Variants in TRAM2 observed in about 807,000 individuals in gnomAD.
The protein encoded by TRAM2 is translocation associated membrane protein 2.
TRAM2 carries 12 observed loss-of-function variants against 51.0 expected under a neutral mutation model. That is an observed-to-expected ratio of 0.24 (90% CI 0.15 to 0.38). The LOEUF is 0.38. TRAM2 is among the 10% of genes least tolerant of loss of function. The probability of loss-of-function intolerance (pLI) is 1.00; values close to 1 mark genes in which losing one functional copy is unlikely to be tolerated. For synonymous variants in TRAM2, 175 were observed against 179.4 expected (o/e 0.98, Z 0.20); for missense variants, 361 against 462.0 (o/e 0.78, Z 2.00).
intron 9 of TRAM2, 47 bp from the exon 10 acceptor site, chr6:52,504,801 GC>G (rs1382296781): frequency 6.5e-7 from 1 of 1,542,128 alleles, no homozygotes; most frequent in Non-Finnish European, 8.7e-7. Flanking sequence ...TGGGCTCACA[GC>G]CTTGGGCTGG....
chr6:52,550,696 A>C (rs9349633), intron 1 of TRAM2, among the ~76,000 whole-genome samples: 139,749 of 152,114 alleles, frequency 0.92, 64,343 homozygotes, highest in African/African-American at 0.98. Flanking sequence ...GGATTACAGG[A>C]ATGCACCACC....
chr6:52,508,003 C>G (rs1008880122), intron 6 of TRAM2, among the ~76,000 whole-genome samples: 1 of 152,230 alleles, frequency 6.6e-6, no homozygotes, highest in Non-Finnish European at 1.5e-5. Context: ...GTTAGGTTTC[C>G]TCCAAAGCCA....
chr6:52,542,530 T>C (rs1767122615), intron 1 of TRAM2, among the ~76,000 whole-genome samples: 1 of 152,186 alleles, frequency 6.6e-6, no homozygotes, highest in Non-Finnish European at 1.5e-5. Context: ...GTTATGACAG[T>C]ACCTTTCTGT....
intron 2 of TRAM2, among the ~76,000 whole-genome samples, chr6:52,526,682 C>A (rs116226141): frequency 6.6e-6 from 1 of 152,182 alleles, no homozygotes; most frequent in Admixed American, 6.5e-5. Flanking sequence ...AGCCACTGCA[C>A]CCGGCCTGCA....
intron 1 of TRAM2, among the ~76,000 whole-genome samples, chr6:52,548,001 G>A (rs1767241457): frequency 6.6e-6 from 1 of 152,236 alleles, no homozygotes; most frequent in African/African-American, 2.4e-5. Context: ...GTGTGTTTGT[G>A]TGCTTATGTT....
chr6:52,555,281 C>T (rs1581698775), intron 1 of TRAM2, among the ~76,000 whole-genome samples: 1 of 149,524 alleles, frequency 6.7e-6, no homozygotes, highest in Non-Finnish European at 1.5e-5. Flanking sequence ...CTGGCTTCTA[C>T]CCCCAACCCA....
At chr6:52,570,792 A>ACCCC (rs1487796614) in intron 1 of TRAM2, among the ~76,000 whole-genome samples, 3 of 32,846 alleles carry the variant, frequency 9.1e-5, no homozygotes, top group Admixed American at 2.7e-4. Context: ...CTCCCTGCCC[A>ACCCC]CCACCCCCCC....
intron 1 of TRAM2, among the ~76,000 whole-genome samples, chr6:52,555,284 C>G (rs1028815559): frequency 1.3e-5 from 2 of 151,928 alleles, no homozygotes; most frequent in East Asian, 1.9e-4. Flanking sequence ...GCTTCTACCC[C>G]CAACCCACCA....
chr6:52,530,189 G>C (rs546518559), intron 2 of TRAM2, among the ~76,000 whole-genome samples: 5 of 152,298 alleles, frequency 3.3e-5, no homozygotes, highest in African/African-American at 9.6e-5. Flanking sequence ...AGAAAGGCAA[G>C]CAGGAATGAG....
At chr6:52,510,850 T>C (rs1025577000) in intron 4 of TRAM2, among the ~76,000 whole-genome samples, 2 of 152,196 alleles carry the variant, frequency 1.3e-5, no homozygotes, top group African/African-American at 4.8e-5. Context: ...TAAAGATGAA[T>C]TTATAATCCA....
intron 3 of TRAM2, 101 bp downstream of exon 3, chr6:52,516,527 A>C: frequency 1.0e-6 from 1 of 962,582 alleles, no homozygotes; most frequent in Non-Finnish European, 1.7e-6. Flanking sequence ...AGCAAGTTGG[A>C]GGATGAATGG....
chr6:52,540,189 CAG>C (rs1284533618), intron 1 of TRAM2, among the ~76,000 whole-genome samples: 1 of 151,344 alleles, frequency 6.6e-6, no homozygotes, highest in African/African-American at 2.4e-5. Flanking sequence ...ATTTGGGGCA[CAG>C]AGAGATAAAG....
At chr6:52,542,519 A>G (rs1330686396) in intron 1 of TRAM2, among the ~76,000 whole-genome samples, 1 of 152,194 alleles carries the variant, frequency 6.6e-6, no homozygotes, top group African/African-American at 2.4e-5. Flanking sequence ...CAGGGGGCAG[A>G]GTTATGACAG....
chr6:52,574,319 G>A (rs1767728768), intron 1 of TRAM2, among the ~76,000 whole-genome samples: 1 of 152,142 alleles, frequency 6.6e-6, no homozygotes, highest in African/African-American at 2.4e-5. Context: ...TCATTTGATA[G>A]AGGCAGCAGT....
At chr6:52,530,685 T>C (rs989764948) in intron 2 of TRAM2, among the ~76,000 whole-genome samples, 6 of 152,126 alleles carry the variant, frequency 3.9e-5, no homozygotes, top group African/African-American at 1.4e-4. Context: ...GAGGGAAGCC[T>C]GGACTAGATC....
chr6:52,574,097 T>C (rs1347550394), intron 1 of TRAM2, among the ~76,000 whole-genome samples: 8 of 151,806 alleles, frequency 5.3e-5, no homozygotes, highest in African/African-American at 1.9e-4. Context: ...GGGTGGTGAG[T>C]CCCCAGTTGC....
intron 1 of TRAM2, among the ~76,000 whole-genome samples, chr6:52,545,372 G>A (rs1351389700): frequency 6.6e-6 from 1 of 152,188 alleles, no homozygotes; most frequent in African/African-American, 2.4e-5. Flanking sequence ...CTCTTTCAGG[G>A]GGCTACAAGA....
At chr6:52,521,480 T>C (rs2114075007) in intron 2 of TRAM2, among the ~76,000 whole-genome samples, 1 of 151,536 alleles carries the variant, frequency 6.6e-6, no homozygotes, top group South Asian at 2.1e-4. Context: ...GATCAAGAGA[T>C]CAGGAGCTCG....
intron 2 of TRAM2, among the ~76,000 whole-genome samples, chr6:52,518,065 C>T (rs1422049173): frequency 6.6e-6 from 1 of 152,208 alleles, no homozygotes. Flanking sequence ...GGTTGGAAAA[C>T]ATACAGTGCA....
Sources: gnomAD v4.1 joint callset for allele counts (sites outside exome capture counted in the v4.1 genomes callset) on GRCh38, gnomAD v4.1.1 for gene constraint, MANE v1.5 for transcripts, NCBI Gene and HGNC (gene_info 2026-07-23, HGNC 2026-07-21) for gene names.